The following PPP1R9A variants were observed in gnomAD, a reference collection of about 807,000 sequenced individuals.
The protein encoded by PPP1R9A is neurabin-1.
A neutral mutation model predicts 141.9 loss-of-function variants in PPP1R9A; 59 were observed. That is an observed-to-expected ratio of 0.42 (90% CI 0.34 to 0.52). PPP1R9A has a LOEUF of 0.52. Among genes scored for constraint, PPP1R9A ranks in the 20% least tolerant of loss-of-function variants. The pLI is 0.10. For synonymous variants in PPP1R9A, 500 were observed against 569.7 expected, an observed-to-expected ratio of 0.88 and a Z score of 1.74; for missense variants, 1,444 against 1,611.9, an observed-to-expected ratio of 0.90 and a Z score of 1.78.
chr7:95,193,515 G>A (rs1231273378), intron 5 of PPP1R9A, among the ~76,000 whole-genome samples: 6 of 151,940 alleles, frequency 3.9e-5, no homozygotes, highest in Admixed American at 2.0e-4. Flanking sequence ...ATGCAGTATG[G>A]AACAATTCTT....
At chr7:95,060,967 T>A (rs1201537376) in intron 2 of PPP1R9A, among the ~76,000 whole-genome samples, 1 of 152,184 alleles carries the variant, frequency 6.6e-6, no homozygotes, top group Non-Finnish European at 1.5e-5. Context: ...AGCACTAGTT[T>A]AAGGGGTAGA....
At chr7:95,012,288 A>G (rs906592550) in intron 2 of PPP1R9A, among the ~76,000 whole-genome samples, 4 of 152,130 alleles carry the variant, frequency 2.6e-5, no homozygotes, top group Non-Finnish European at 4.4e-5. Context: ...CTCGACTTAC[A>G]TGGGCAGAAT....
chr7:94,936,416 A>G (rs1206233007), intron 2 of PPP1R9A, among the ~76,000 whole-genome samples: 1 of 152,152 alleles, frequency 6.6e-6, no homozygotes, highest in East Asian at 1.9e-4. Flanking sequence ...TTTGCTCTTT[A>G]GCAATACTGG....
intron 2 of PPP1R9A, among the ~76,000 whole-genome samples, chr7:95,109,486 A>G (rs77411711): frequency 0.034 from 5,119 of 152,310 alleles, 108 homozygotes; most frequent in Middle Eastern, 0.068. Context: ...TACTAAAAAT[A>G]TAAGAGGAAG....
At chr7:95,217,980 C>T (rs1793756393) in intron 7 of PPP1R9A, among the ~76,000 whole-genome samples, 1 of 152,182 alleles carries the variant, frequency 6.6e-6, no homozygotes, top group Admixed American at 6.5e-5. Flanking sequence ...TTCAGTTCCA[C>T]TCTGATCTTA....
intron 2 of PPP1R9A, among the ~76,000 whole-genome samples, chr7:95,084,190 G>C (rs1421576186): frequency 6.6e-6 from 1 of 152,016 alleles, no homozygotes; most frequent in African/African-American, 2.4e-5. Flanking sequence ...TAATGCCCAT[G>C]TTGAAAGAAA....
At chr7:95,135,554 G>A (rs775982806) in intron 4 of PPP1R9A, among the ~76,000 whole-genome samples, 13 of 151,648 alleles carry the variant, frequency 8.6e-5, no homozygotes, top group Non-Finnish European at 1.6e-4. Context: ...CTTAGTTTTC[G>A]TTCACTTCTG....
At chr7:95,128,639 C>T (rs890116543) in intron 4 of PPP1R9A, among the ~76,000 whole-genome samples, 3 of 152,116 alleles carry the variant, frequency 2.0e-5, no homozygotes, top group South Asian at 2.1e-4. Flanking sequence ...TGCAATGGTG[C>T]GATCTTGGCT....
Position 94,934,404 on chromosome 7 carries a change from T to A in PPP1R9A, c.1395+22896T>A, listed in dbSNP as rs192411976. ...ATGTGACCTTTCAAGATCTCTAACA[T>A]GTGGTATGAATTTGAGAGCTTCTCA... is the stretch of plus-strand genomic sequence containing the variant. On this transcript the variant is annotated intron_variant, in intron 2 of 19. Transcript: ENST00000433360. 5.2e-3 allele frequency among the ~76,000 whole-genome samples: 787 copies of A among 152,306 alleles called. 8 individuals are homozygous for A. Among genetic ancestry groups the A allele is most frequent in the African/African-American group, 0.017 (719 of 41,582 alleles).
chr7:95,259,446 A>G (rs1292147522), intron 12 of PPP1R9A, among the ~76,000 whole-genome samples: 1 of 152,182 alleles, frequency 6.6e-6, no homozygotes, highest in Non-Finnish European at 1.5e-5. Context: ...GTTTAGTAAG[A>G]AAATAAAAAA....
intron 2 of PPP1R9A, among the ~76,000 whole-genome samples, chr7:94,948,146 C>T (rs961077608): frequency 3.3e-5 from 5 of 151,662 alleles, no homozygotes; most frequent in East Asian, 1.9e-4. Flanking sequence ...AGTATGGGTC[C>T]GTAGGAATAT....
At chr7:95,188,861 A>G (rs1374376867) in intron 5 of PPP1R9A, among the ~76,000 whole-genome samples, 1 of 151,690 alleles carries the variant, frequency 6.6e-6, no homozygotes, top group Non-Finnish European at 1.5e-5. Context: ...CCTCCCAAAG[A>G]ATACTTTGTT....
At chr7:95,021,922 C>CT (rs1806024819) in intron 2 of PPP1R9A, among the ~76,000 whole-genome samples, 1 of 152,086 alleles carries the variant, frequency 6.6e-6, no homozygotes, top group African/African-American at 2.4e-5. Flanking sequence ...CAGCTTTGTT[C>CT]TTTTTGCTTA....
Position 95,268,538 on chromosome 7 carries a change from C to G in PPP1R9A, c.2666-12C>G. On this transcript the variant is annotated splice_polypyrimidine_tract_variant and intron_variant, in intron 12 of 19. Transcript: ENST00000433360. ...AAGGTTTCTCTCACTGATTATCTTT[C>G]AATATTCTTAGACTTGAATGAAGCA... 1 of 1,612,288 alleles carries G rather than the reference C, an allele frequency of 6.2e-7. No individual in the cohort carries two copies. The highest frequency in any genetic ancestry group is 2.2e-5 in the East Asian group (1 of 44,824).
At chr7:94,915,459 T>G (rs981995839) in intron 2 of PPP1R9A, among the ~76,000 whole-genome samples, 1 of 152,192 alleles carries the variant, frequency 6.6e-6, no homozygotes, top group African/African-American at 2.4e-5. Context: ...AAGATTCTGA[T>G]TCAGTAGGTA....
intron 7 of PPP1R9A, among the ~76,000 whole-genome samples, chr7:95,213,282 T>G (rs1468316099): frequency 6.6e-6 from 1 of 152,042 alleles, no homozygotes; most frequent in Non-Finnish European, 1.5e-5. Context: ...GGCAGAATTC[T>G]TAAGATTTTA....
chr7:95,274,464 T>C (rs989397895), intron 16 of PPP1R9A, among the ~76,000 whole-genome samples: 3 of 152,342 alleles, frequency 2.0e-5, no homozygotes, highest in East Asian at 1.9e-4. Flanking sequence ...TTCAGAAATA[T>C]CAAATATATT....
chr7:95,109,736 C>T (rs950046303), intron 2 of PPP1R9A, among the ~76,000 whole-genome samples: 1 of 151,372 alleles, frequency 6.6e-6, no homozygotes, highest in Non-Finnish European at 1.5e-5. Context: ...CCTAGCTACT[C>T]AGGAGGCTAC....
At chr7:95,243,231 A>T (rs1054590928) in intron 8 of PPP1R9A, among the ~76,000 whole-genome samples, 2 of 152,172 alleles carry the variant, frequency 1.3e-5, no homozygotes, top group Non-Finnish European at 2.9e-5. Flanking sequence ...TAAACAAGCC[A>T]TCCAGCAGCA....
Sources: gnomAD v4.1 joint callset for allele counts (sites outside exome capture counted in the v4.1 genomes callset) on GRCh38, gnomAD v4.1.1 for gene constraint, MANE v1.5 for transcripts, NCBI Gene and HGNC (gene_info 2026-07-23, HGNC 2026-07-21) for gene names.